The following ADAMTSL1 variants were observed in gnomAD, a reference collection of about 807,000 sequenced individuals.
The protein encoded by ADAMTSL1 is ADAMTS like 1.
In ADAMTSL1, 126 loss-of-function variants were observed where a neutral mutation model predicts 201.8. That is an observed-to-expected ratio of 0.62 (90% CI 0.54 to 0.72). The LOEUF (loss-of-function observed/expected upper bound fraction) is 0.72. Among genes scored for constraint, ADAMTSL1 ranks in the 30% least tolerant of loss-of-function variants. The probability of loss-of-function intolerance (pLI) is 0.00; values close to 1 mark genes in which losing one functional copy is unlikely to be tolerated. For missense variants in ADAMTSL1, 2,679 were observed against 2,277.8 expected, an observed-to-expected ratio of 1.18 and a Z score of -3.59; for synonymous variants, 1,121 against 903.4, an observed-to-expected ratio of 1.24 and a Z score of -4.32.
At chr9:18,759,788 G>A (rs1268193760) in intron 16 of ADAMTSL1, among the ~76,000 whole-genome samples, 1 of 152,172 alleles carries the variant, frequency 6.6e-6, no homozygotes, top group Non-Finnish European at 1.5e-5. Context: ...AAGGTACAGT[G>A]TACACCCCTT....
chr9:17,986,932 A>G (rs1032453945), intron 1 of ADAMTSL1, among the ~76,000 whole-genome samples: 6 of 152,116 alleles, frequency 3.9e-5, no homozygotes, highest in Non-Finnish European at 5.9e-5. Context: ...TCTTCAGCAA[A>G]TTGGGTTTTC....
At chr9:18,468,720 A>G (rs1175685047) in intron 2 of ADAMTSL1, among the ~76,000 whole-genome samples, 1 of 152,220 alleles carries the variant, frequency 6.6e-6, no homozygotes, top group East Asian at 1.9e-4. Context: ...CCAAAAACTG[A>G]GTTCTTCCCA....
intron 23 of ADAMTSL1, among the ~76,000 whole-genome samples, chr9:18,841,996 A>T (rs927923765): frequency 2.4e-4 from 37 of 151,468 alleles, no homozygotes; most frequent in Non-Finnish European, 4.3e-4. Flanking sequence ...CAGCTCCTGG[A>T]TTCATTAATT....
At chr9:18,160,831 C>A (rs927308033) in intron 1 of ADAMTSL1, among the ~76,000 whole-genome samples, 8 of 149,506 alleles carry the variant, frequency 5.4e-5, no homozygotes, top group African/African-American at 1.5e-4. Flanking sequence ...CTGCACATAC[C>A]ACCATACCTG....
chr9:17,992,619 C>G (rs955608317), intron 1 of ADAMTSL1, among the ~76,000 whole-genome samples: 10 of 152,080 alleles, frequency 6.6e-5, no homozygotes, highest in African/African-American at 1.2e-4. Flanking sequence ...GAGCCTCCCC[C>G]TGCCATCTCA....
At chr9:18,831,486 GAA>G (rs1452905075) in intron 23 of ADAMTSL1, among the ~76,000 whole-genome samples, 1 of 152,162 alleles carries the variant, frequency 6.6e-6, no homozygotes, top group Non-Finnish European at 1.5e-5. Flanking sequence ...TAGCATGCTG[GAA>G]AAGTTAGCCT....
At chr9:18,788,677 C>G (rs1287461672) in intron 19 of ADAMTSL1, among the ~76,000 whole-genome samples, 1 of 152,190 alleles carries the variant, frequency 6.6e-6, no homozygotes, top group African/African-American at 2.4e-5. Flanking sequence ...TTATCCTAAT[C>G]TAAGGAATCC....
At chr9:18,680,574 C>G in intron 11 of ADAMTSL1, 58 bp downstream of exon 11, 1 of 1,579,448 alleles carries the variant, frequency 6.3e-7, no homozygotes, top group African/African-American at 1.3e-5. Flanking sequence ...TCCCTCTCAT[C>G]ATCATGGCCC....
At chr9:18,834,919 T>C (rs58910226) in intron 23 of ADAMTSL1, among the ~76,000 whole-genome samples, 1 of 152,110 alleles carries the variant, frequency 6.6e-6, no homozygotes, top group African/African-American at 2.4e-5. Context: ...ACAAATCTGC[T>C]GTGAAATTCA....
chr9:17,987,637 A>T (rs563327721), intron 1 of ADAMTSL1, among the ~76,000 whole-genome samples: 1 of 152,238 alleles, frequency 6.6e-6, no homozygotes, highest in South Asian at 2.1e-4. Context: ...AATGTGCCCA[A>T]GAAGCACTTG....
In ADAMTSL1 at chr9:18,610,679, A is replaced by G. The variant is rs191474078; in HGVS notation, c.475-11564A>G. Among the ~76,000 whole-genome samples, 27 of 152,320 alleles carry G rather than the reference A, an allele frequency of 1.8e-4. 1 individual carries two copies. Among genetic ancestry groups the G allele is most frequent in the Admixed American group, 6.5e-4 (10 of 15,292 alleles). On this transcript the variant is annotated intron_variant, in intron 4 of 28. Coordinates refer to ENST00000380548, the MANE Select transcript of ADAMTSL1 (RefSeq NM_001040272.6). ...CCAGGTAAGAGCCAAAGAATGACAC[A>G]AGCCCTGCTAACTTGGAAATCTGAG...
chr9:18,364,171 G>A (rs1836657262), intron 2 of ADAMTSL1, among the ~76,000 whole-genome samples: 1 of 152,136 alleles, frequency 6.6e-6, no homozygotes. Flanking sequence ...TAAGAGCCAT[G>A]GATGAGTAGG....
intron 3 of ADAMTSL1, among the ~76,000 whole-genome samples, chr9:18,548,019 T>G (rs1258829411): frequency 6.6e-6 from 1 of 151,932 alleles, no homozygotes; most frequent in African/African-American, 2.4e-5. Context: ...AAAATTAACG[T>G]TCACACCAGA....
intron 2 of ADAMTSL1, among the ~76,000 whole-genome samples, chr9:18,367,015 C>A (rs1214605502): frequency 6.6e-6 from 1 of 152,184 alleles, no homozygotes; most frequent in Non-Finnish European, 1.5e-5. Context: ...CATTTCCCCT[C>A]CCCTGAGCTC....
chr9:18,530,807 A>C (rs1370465242), intron 2 of ADAMTSL1, among the ~76,000 whole-genome samples: 1 of 152,212 alleles, frequency 6.6e-6, no homozygotes, highest in African/African-American at 2.4e-5. Context: ...ATTTTACCAA[A>C]GATAAAACTG....
At chr9:18,332,544 AG>A (rs2132916351) in intron 2 of ADAMTSL1, among the ~76,000 whole-genome samples, 1 of 152,230 alleles carries the variant, frequency 6.6e-6, no homozygotes, top group East Asian at 1.9e-4. Flanking sequence ...TTGACCTCTC[AG>A]GCTCCAGCAA....
At chr9:17,966,354 C>G (rs1195950417) in intron 1 of ADAMTSL1, among the ~76,000 whole-genome samples, 1 of 152,054 alleles carries the variant, frequency 6.6e-6, no homozygotes, top group Admixed American at 6.6e-5. Flanking sequence ...CCACAGAAAT[C>G]AAATATATGA....
chr9:18,431,186 G>A (rs1435407209), intron 2 of ADAMTSL1, among the ~76,000 whole-genome samples: 1 of 152,166 alleles, frequency 6.6e-6, no homozygotes, highest in African/African-American at 2.4e-5. Flanking sequence ...ACAGACCTAG[G>A]GGACCAGCTC....
intron 1 of ADAMTSL1, among the ~76,000 whole-genome samples, chr9:17,936,007 A>G (rs558658553): frequency 5.9e-5 from 9 of 152,246 alleles, no homozygotes; most frequent in Non-Finnish European, 1.2e-4. Context: ...CTCTAGCTTC[A>G]CTGGTCTTTG....
Sources: gnomAD v4.1 joint callset for allele counts (sites outside exome capture counted in the v4.1 genomes callset) on GRCh38, gnomAD v4.1.1 for gene constraint, MANE v1.5 for transcripts, NCBI Gene and HGNC (gene_info 2026-07-23, HGNC 2026-07-21) for gene names.